The following PLEKHG6 variants were observed in gnomAD, a reference collection of about 807,000 sequenced individuals.
The protein encoded by PLEKHG6 is pleckstrin homology and RhoGEF domain containing G6, also known as pleckstrin homology domain-containing family G member 6.
In PLEKHG6, 91 loss-of-function variants were observed where a neutral mutation model predicts 97.5. The observed-to-expected ratio is 0.93, with a 90% CI of 0.79 to 1.11. The LOEUF is 1.11. PLEKHG6 is among the 50% of genes most tolerant of loss of function. The probability of loss-of-function intolerance (pLI) is 0.00; values close to 1 mark genes in which losing one functional copy is unlikely to be tolerated. For synonymous variants in PLEKHG6, 466 were observed against 425.5 expected, an observed-to-expected ratio of 1.10 and a Z score of -1.17; for missense variants, 1,044 against 1,031.0, an observed-to-expected ratio of 1.01 and a Z score of -0.17.
intron 13 of PLEKHG6, chr12:6,319,463 AG>A (rs1206708498): frequency 1.5e-6 from 2 of 1,339,082 alleles, no homozygotes; most frequent in African/African-American, 3.0e-5. Flanking sequence ...GAAAAAAAAA[AG>A]AATGTAGGAA....
rs750456310 is a variant in PLEKHG6 at position 6,312,290 on chromosome 12, A to T, written c.64A>T (p.Thr22Ser). The change falls in exon 2 of 16, where the codon ACT becomes TCT. Residue 22 changes from threonine to serine, a missense_variant. Thr to Ser is a moderately conservative substitution (Grantham distance 58). Transcript: ENST00000684764. ...AGGACTCGTGGCCTCCCGCATTGAGACTTATGGGGGCCGGCATCGAGCCTC... is the reference window on the plus strand; with the variant it reads ...AGGACTCGTGGCCTCCCGCATTGAGTCTTATGGGGGCCGGCATCGAGCCTC... ...LQGLVASRIE[T>S]YGGRHRASAQ... 1.9e-6 allele frequency: 3 copies of T among 1,562,842 alleles called. No individual in the cohort carries two copies. Among genetic ancestry groups the T allele is most frequent in the South Asian group, 1.2e-5 (1 of 82,940 alleles).
chr12:6,312,553 G>T, intron 2 of PLEKHG6, 189 bp downstream of exon 2: 1 of 1,169,616 alleles, frequency 8.5e-7, no homozygotes, highest in Non-Finnish European at 1.1e-6. Flanking sequence ...TCACACCCCA[G>T]TCCCAGCAGC....
Position 6,327,591 on chromosome 12 carries a change from G to A in PLEKHG6, c.2008G>A (p.Glu670Lys), listed in dbSNP as rs769152762. Reference protein sequence around the residue: ...PQEDPPTWSEEEDGASERGNV... With the variant: ...PQEDPPTWSEKEDGASERGNV... ...GGAAGACCCACCAACCTGGTCTGAGGAAGAAGATGGGGCCTCCGAGCGAGG... is the reference window on the plus strand; with the variant it reads ...GGAAGACCCACCAACCTGGTCTGAGAAAGAAGATGGGGCCTCCGAGCGAGG... The change falls in exon 15 of 16, where the codon GAA (glutamate) becomes AAA (lysine). Residue 670 changes from glutamate to lysine, a missense_variant. Transcript: ENST00000684764. The A allele has an allele frequency of 6.3e-7, 1 of 1,590,766 alleles. No homozygotes were observed. The highest frequency in any genetic ancestry group is 8.6e-7 in the Non-Finnish European group (1 of 1,168,766).
In PLEKHG6 at chr12:6,315,742, G is replaced by A; in HGVS notation, c.555+93G>A. ...AAGGCAGGTCACTGGGGGAGGGAGG[G>A]GCAGGATTTCAGGCCAGTCTGGGAT... On this transcript the variant is annotated intron_variant, in intron 5 of 15. Coordinates refer to ENST00000684764, the MANE Select transcript of PLEKHG6 (RefSeq NM_001384598.1). The surrounding 1 kb of genome is among the most constrained non-coding windows in gnomAD (Gnocchi z 4.5). 8.2e-7 allele frequency: 1 copy of A among 1,220,588 alleles called. No individual in the cohort carries two copies. Among genetic ancestry groups the A allele is most frequent in the South Asian group, 1.4e-5 (1 of 70,054 alleles). The allele number at this position is 1,220,588 out of a possible 1,614,324, so 75.6% of individuals were successfully genotyped here.
In PLEKHG6 at chr12:6,312,307, T is replaced by C. The variant is rs769812566; in HGVS notation, c.81T>C (p.His27=). ...ASRIETYGGR[H]RASAQSTAGR... is the part of the protein sequence containing the mutation. ...GCATTGAGACTTATGGGGGCCGGCA[T>C]CGAGCCTCTGCTCAGAGCACTGCTG... The change falls in exon 2 of 16, where the codon CAT becomes CAC. Residue 27 remains histidine (H), a synonymous_variant. Transcript: ENST00000684764. 6 of 1,572,224 alleles carry C rather than the reference T, an allele frequency of 3.8e-6. No individual in the cohort carries two copies. The highest frequency in any genetic ancestry group is 5.2e-6 in the Non-Finnish European group (6 of 1,163,934).
intron 13 of PLEKHG6, among the ~76,000 whole-genome samples, chr12:6,324,498 G>A (rs994866525): frequency 2.6e-5 from 4 of 152,040 alleles, no homozygotes; most frequent in African/African-American, 4.8e-5. Flanking sequence ...CAAGCAGATC[G>A]GCCCAGCGCC....
At chr12:6,326,321 A>AATC in intron 13 of PLEKHG6, 107 bp from the exon 14 acceptor site, 1 of 637,862 alleles carries the variant, frequency 1.6e-6, no homozygotes, top group South Asian at 2.4e-5. Context: ...TAATAATAAT[A>AATC]ATAAAATAAA....
intron 13 of PLEKHG6, chr12:6,319,764 G>A (rs1386303883): frequency 8.2e-7 from 1 of 1,212,636 alleles, no homozygotes; most frequent in African/African-American, 1.5e-5. Flanking sequence ...AGGCACTAGA[G>A]CTAGGTGCTA....
rs1947404591 is a variant in PLEKHG6, at chr12:6,314,993, C to T, written c.295-12C>T. On this transcript the variant is annotated splice_polypyrimidine_tract_variant and intron_variant, in intron 3 of 15. Coordinates refer to ENST00000684764, the MANE Select transcript of PLEKHG6 (RefSeq NM_001384598.1). ...ATGTGACCAGAGCTGATGCCCTTCT[C>T]GGCTCCCCCAGGAACTCACCAAGGC... 13 of 1,611,082 alleles carry T rather than the reference C, an allele frequency of 8.1e-6. No homozygotes were observed. The highest frequency in any genetic ancestry group is 2.2e-5 in the South Asian group (2 of 90,886).
intron 13 of PLEKHG6, chr12:6,319,469 TAGGA>T (rs911490213): frequency 4.0e-5 from 53 of 1,336,632 alleles, no homozygotes; most frequent in South Asian, 7.7e-5. Flanking sequence ...AAAAAGAATG[TAGGA>T]AGGAAGGAAG....
rs767138656 is a variant in PLEKHG6, at chr12:6,327,932, C to T, written c.2349C>T (p.Thr783=). Residue 783 remains threonine, a synonymous_variant, in exon 15 of 16, where the codon ACC becomes ACT. Coordinates refer to ENST00000684764, the MANE Select transcript of PLEKHG6 (RefSeq NM_001384598.1). ...MRGPHIIQLD[T]PLSASEV ...GGCCCCACATCATTCAGCTGGACAC[C>T]CCTCTGTCCGCATCGTAAGTGCTGG... 7.4e-6 allele frequency: 11 copies of T among 1,483,372 alleles called. No homozygotes were observed. The Admixed American group carries it at 2.3e-4, about 31-fold the overall frequency. 91.9% of individuals were successfully genotyped at this position (1,483,372 alleles called of 1,614,324 possible).
In PLEKHG6 at chr12:6,327,725, G is replaced by A; in HGVS notation, c.2142G>A (p.Glu714=). Reference sequence around the variant, plus strand: ...AAAGCCCCTGGGAGTCCTCAGGGGAGGAGGAAGAAGAGGGGCCTCTGTTCC... The same window carrying A: ...AAAGCCCCTGGGAGTCCTCAGGGGAAGAGGAAGAAGAGGGGCCTCTGTTCC... ...AGESPWESSG[E]EEEEGPLFLK... is the part of the protein sequence containing the mutation. Residue 714 remains glutamate (E), a synonymous_variant, in exon 15 of 16, where the codon GAG becomes GAA. Transcript: ENST00000684764. 6.4e-7 allele frequency: 1 copy of A among 1,555,118 alleles called. No individual in the cohort carries two copies. The highest frequency in any genetic ancestry group is 8.7e-7 in the Non-Finnish European group (1 of 1,153,658).
In PLEKHG6 at chr12:6,317,398, C is replaced by T. The variant is rs996427027; in HGVS notation, c.852C>T (p.Phe284=). Residue 284 remains phenylalanine, a synonymous_variant, in exon 8 of 16, where the codon TTC becomes TTT. Coordinates refer to ENST00000684764, the MANE Select transcript of PLEKHG6 (RefSeq NM_001384598.1). ...AACAGCAAGAAACTAACCCTCTCTT[C>T]CATGCCTTCGTGCAGGTGGGAGAAG... ...AREQQETNPL[F]HAFVQWCEKH... 1.9e-6 allele frequency: 3 copies of T among 1,613,644 alleles called. No individual in the cohort carries two copies. Among genetic ancestry groups the T allele is most frequent in the East Asian group, 2.2e-5 (1 of 44,902 alleles).
intron 13 of PLEKHG6, among the ~76,000 whole-genome samples, chr12:6,320,257 T>C (rs1180940051): frequency 6.6e-6 from 1 of 152,102 alleles, no homozygotes; most frequent in Non-Finnish European, 1.5e-5. Flanking sequence ...AGGGGAGTGA[T>C]GTGAGCAGAT....
At chr12:6,327,230 CT>C in intron 14 of PLEKHG6, 23 bp from the exon 15 acceptor site, 2 of 1,483,114 alleles carry the variant, frequency 1.3e-6, no homozygotes, top group Non-Finnish European at 1.8e-6. Flanking sequence ...CCCTACGCAT[CT>C]GACTCTTTGC....
Position 6,318,348 on chromosome 12 carries a change from G to T in PLEKHG6, c.1203G>T (p.Gly401=), listed in dbSNP as rs759362825. ...STLDLTSPML[G]VASEHTRQLL... is the part of the protein sequence containing the mutation. ...TGGACCTGACGTCCCCCATGCTGGG[G>T]GTTGCATCTGAGCACACCAGACAGC... The change falls in exon 11 of 16, where the codon GGG becomes GGT. Residue 401 remains glycine (G), a synonymous_variant. Transcript: ENST00000684764. The T allele has an allele frequency of 8.7e-5, 140 of 1,613,962 alleles. No homozygotes were observed. Among genetic ancestry groups the T allele is most frequent in the Non-Finnish European group, 6.0e-5 (71 of 1,180,022 alleles).
chr12:6,318,940 G>A (rs769831410), intron 12 of PLEKHG6, 53 bp from the exon 13 acceptor site: 5 of 1,612,656 alleles, frequency 3.1e-6, no homozygotes, highest in Middle Eastern at 1.7e-4. Flanking sequence ...AGGAGGAGCT[G>A]GGACGGAGAT....
chr12:6,319,387 G>A, intron 13 of PLEKHG6: 5 of 736,378 alleles, frequency 6.8e-6, no homozygotes, highest in South Asian at 5.9e-5. Context: ...AGTGGAGGTT[G>A]CAGTGACCTG....
Position 6,327,313 on chromosome 12 carries a change from A to G in PLEKHG6, c.1730A>G (p.Asp577Gly), listed in dbSNP as rs372538324. 17 of 1,613,778 alleles carry G rather than the reference A, an allele frequency of 1.1e-5. No individual in the cohort carries two copies. The highest frequency in any genetic ancestry group is 1.4e-5 in the Non-Finnish European group (16 of 1,179,858). ...GTGGTGACAGAAGACACAGATGAAGATGCTCCCCTTGTGCCAGATGATACC... is the reference window on the plus strand; with the variant it reads ...GTGGTGACAGAAGACACAGATGAAGGTGCTCCCCTTGTGCCAGATGATACC... ...HLVVTEDTDE[D>G]APLVPDDTSD... The change falls in exon 15 of 16, where the codon GAT becomes GGT. Residue 577 changes from aspartate (D) to glycine (G), a missense_variant. Transcript: ENST00000684764.
Sources: allele counts gnomAD v4.1 joint callset (sites outside exome capture counted in the v4.1 genomes callset), GRCh38; gene constraint gnomAD v4.1.1; non-coding constraint Gnocchi (gnomAD v3.1); transcripts MANE v1.5; gene names NCBI Gene and HGNC (gene_info 2026-07-23, HGNC 2026-07-21).